Variants in ZFPM2 observed in about 807,000 individuals in gnomAD.
ZFPM2 encodes zinc finger protein, FOG family member 2, also known as zinc finger protein ZFPM2.
In ZFPM2, 20 loss-of-function variants were observed where a neutral mutation model predicts 98.6. The ratio of observed to expected loss-of-function variants is 0.20; its 90% CI spans 0.14 to 0.29. The LOEUF (loss-of-function observed/expected upper bound fraction) is 0.29. Ranked by LOEUF, ZFPM2 falls within the 10% of genes least tolerant of loss-of-function variation. The probability of loss-of-function intolerance (pLI) is 1.00; values close to 1 mark genes in which losing one functional copy is unlikely to be tolerated. For synonymous variants in ZFPM2, 518 were observed against 502.7 expected (o/e 1.03, Z -0.41); for missense variants, 1,310 against 1,388.6 (o/e 0.94, Z 0.90).
intron 1 of ZFPM2, among the ~76,000 whole-genome samples, chr8:105,413,507 T>TATAC (rs1554602641): frequency 3.1e-4 from 42 of 135,550 alleles, no homozygotes; most frequent in African/African-American, 9.5e-4. Flanking sequence ...TATATATATA[T>TATAC]ACACACACAC....
At chr8:105,616,371 A>G (rs1160599264) in intron 4 of ZFPM2, among the ~76,000 whole-genome samples, 3 of 152,152 alleles carry the variant, frequency 2.0e-5, no homozygotes, top group Non-Finnish European at 4.4e-5. Flanking sequence ...TAGCAGTGGT[A>G]AAGTTTTCTC....
intron 1 of ZFPM2, among the ~76,000 whole-genome samples, chr8:105,406,539 G>A (rs994489098): frequency 4.6e-5 from 7 of 151,904 alleles, no homozygotes; most frequent in Non-Finnish European, 1.0e-4. Context: ...CAGGATAATG[G>A]TCCACTCTTA....
intron 5 of ZFPM2, among the ~76,000 whole-genome samples, chr8:105,653,754 G>A (rs865987172): frequency 6.6e-5 from 10 of 150,930 alleles, no homozygotes; most frequent in African/African-American, 2.4e-4. Context: ...GCATGTTAGA[G>A]GCAAATAGAA....
chr8:105,430,959 G>A (rs1455764258), intron 2 of ZFPM2, among the ~76,000 whole-genome samples: 1 of 149,324 alleles, frequency 6.7e-6, no homozygotes, highest in African/African-American at 2.5e-5. Flanking sequence ...GCTGGAGTGC[G>A]ATGGAGCGAT....
chr8:105,471,102 A>G (rs1159509683), intron 3 of ZFPM2, among the ~76,000 whole-genome samples: 1 of 152,140 alleles, frequency 6.6e-6, no homozygotes, highest in Non-Finnish European at 1.5e-5. Context: ...TCACTCTGAC[A>G]GCTTCGTTTG....
intron 5 of ZFPM2, among the ~76,000 whole-genome samples, chr8:105,693,548 A>C (rs1396619932): frequency 6.6e-6 from 1 of 152,238 alleles, no homozygotes; most frequent in African/African-American, 2.4e-5. Flanking sequence ...ACTGAAACAC[A>C]GAAGATGCAC....
At chr8:105,623,103 T>G (rs1285251754) in intron 4 of ZFPM2, among the ~76,000 whole-genome samples, 1 of 152,196 alleles carries the variant, frequency 6.6e-6, no homozygotes, top group Non-Finnish European at 1.5e-5. Flanking sequence ...ACAGATTAGA[T>G]AAGCTTTGTT....
intron 2 of ZFPM2, among the ~76,000 whole-genome samples, chr8:105,419,960 T>A (rs1285600420): frequency 1.3e-5 from 2 of 152,134 alleles, no homozygotes; most frequent in African/African-American, 4.8e-5. Context: ...ATTTGTTTAC[T>A]TTTTTCATAA....
At chr8:105,643,855 T>C (rs1219999667) in intron 5 of ZFPM2, among the ~76,000 whole-genome samples, 1 of 152,162 alleles carries the variant, frequency 6.6e-6, no homozygotes. Context: ...AGGATCACAA[T>C]TGGACTGATT....
At chr8:105,614,695 G>T (rs1816377769) in intron 4 of ZFPM2, among the ~76,000 whole-genome samples, 1 of 151,972 alleles carries the variant, frequency 6.6e-6, no homozygotes, top group Non-Finnish European at 1.5e-5. Context: ...CAGTCCCAAG[G>T]CTGGACACTT....
chr8:105,468,502 C>A (rs543700190), intron 3 of ZFPM2, among the ~76,000 whole-genome samples: 1 of 152,202 alleles, frequency 6.6e-6, no homozygotes, highest in African/African-American at 2.4e-5. Context: ...CTACGCAGCT[C>A]CTGGCTTCAT....
chr8:105,338,120 T>A (rs1812361211), intron 1 of ZFPM2, among the ~76,000 whole-genome samples: 1 of 151,804 alleles, frequency 6.6e-6, no homozygotes, highest in African/African-American at 2.4e-5. Flanking sequence ...CCTAAAGGTT[T>A]TTTATGATAT....
chr8:105,704,123 CT>C (rs1741539014), intron 5 of ZFPM2, among the ~76,000 whole-genome samples: 2 of 152,144 alleles, frequency 1.3e-5, no homozygotes, highest in African/African-American at 4.8e-5. Context: ...ATCTCTCTCT[CT>C]CTCTCTCTCA....
chr8:105,330,617 T>TAC (rs1563606940), intron 1 of ZFPM2, among the ~76,000 whole-genome samples: 15 of 58,854 alleles, frequency 2.5e-4, no homozygotes, highest in African/African-American at 1.4e-3. Flanking sequence ...TATACACATA[T>TAC]ATATATATAT....
intron 5 of ZFPM2, among the ~76,000 whole-genome samples, chr8:105,654,572 ATCCTTTTTTTTTTT>A (rs1310578045): frequency 8.5e-6 from 1 of 116,994 alleles, no homozygotes; most frequent in African/African-American, 3.6e-5. Context: ...CTTTTTTTCT[ATCCTTTTTTTTTTT>A]AAAAATGAAA....
intron 5 of ZFPM2, among the ~76,000 whole-genome samples, chr8:105,775,457 G>C (rs1813083773): frequency 6.6e-6 from 1 of 152,122 alleles, no homozygotes; most frequent in Admixed American, 6.5e-5. Context: ...GTATTTTGGT[G>C]GAGATTTCCT....
chr8:105,686,776 T>G (rs1381064874), intron 5 of ZFPM2, among the ~76,000 whole-genome samples: 4 of 152,184 alleles, frequency 2.6e-5, no homozygotes, highest in Non-Finnish European at 5.9e-5. Context: ...GTGGTCATCC[T>G]AGACAAGGCT....
chr8:105,620,885 G>T (rs929915267), intron 4 of ZFPM2, among the ~76,000 whole-genome samples: 10 of 152,082 alleles, frequency 6.6e-5, no homozygotes, highest in Non-Finnish European at 4.4e-5. Flanking sequence ...TGTTCCATTG[G>T]TCTATATCTC....
At chr8:105,504,177 C>G (rs557867871) in intron 3 of ZFPM2, among the ~76,000 whole-genome samples, 157 of 152,266 alleles carry the variant, frequency 1.0e-3, no homozygotes, top group African/African-American at 3.7e-3. Context: ...CCCATTTCAT[C>G]CCTCTTAATT....
Sources: gnomAD v4.1 joint callset for allele counts (sites outside exome capture counted in the v4.1 genomes callset) on GRCh38, gnomAD v4.1.1 for gene constraint, MANE v1.5 for transcripts, NCBI Gene and HGNC (gene_info 2026-07-23, HGNC 2026-07-21) for gene names.